The following GABRG3 variants were observed in gnomAD, a reference collection of about 807,000 sequenced individuals.
GABRG3 encodes gamma-aminobutyric acid receptor subunit gamma-3.
GABRG3 carries 25 observed loss-of-function variants against 48.8 expected under a neutral mutation model. That is an observed-to-expected ratio of 0.51 (90% CI 0.37 to 0.72). The LOEUF (loss-of-function observed/expected upper bound fraction) is 0.72, where lower values mean the gene tolerates loss of function less well. GABRG3 is among the 30% of genes least tolerant of loss of function. The pLI, the probability that GABRG3 is intolerant of heterozygous loss-of-function variation, is 0.00. For synonymous variants in GABRG3, 227 were observed against 217.6 expected (o/e 1.04, Z -0.38); for missense variants, 394 against 577.9 (o/e 0.68, Z 3.26).
At chr15:26,999,004 C>T (rs1260137276) in intron 2 of GABRG3, among the ~76,000 whole-genome samples, 1 of 151,874 alleles carries the variant, frequency 6.6e-6, no homozygotes, top group Non-Finnish European at 1.5e-5. Context: ...TTCTGGAATT[C>T]CTATCCCTTG....
chr15:27,256,221 T>C (rs1192472940), intron 3 of GABRG3, among the ~76,000 whole-genome samples: 1 of 151,910 alleles, frequency 6.6e-6, no homozygotes, highest in Non-Finnish European at 1.5e-5. Context: ...GGCGGGCGGA[T>C]CAGGAGGTCA....
intron 2 of GABRG3, among the ~76,000 whole-genome samples, chr15:26,983,311 AC>A (rs1394848711): frequency 2.0e-5 from 3 of 150,784 alleles, no homozygotes; most frequent in Non-Finnish European, 4.4e-5. Flanking sequence ...CTTCCTTTAC[AC>A]CCCCGACCCT....
intron 3 of GABRG3, among the ~76,000 whole-genome samples, chr15:27,255,593 C>CT (rs11372328): frequency 0.032 from 4,835 of 151,454 alleles, 189 homozygotes; most frequent in African/African-American, 0.094. Flanking sequence ...TTCATCTTTC[C>CT]TTTTTTTTTG....
Position 26,971,455 on chromosome 15 carries a change from G to C in GABRG3, c.-81G>C, listed in dbSNP as rs529013763. 186 of 1,210,042 alleles carry C rather than the reference G, an allele frequency of 1.5e-4. 2 individuals are homozygous for C. The South Asian group carries it at 2.8e-3, about 18-fold the overall frequency. The allele number at this position is 1,210,042 out of a possible 1,614,324, so 75.0% of individuals were successfully genotyped here. ...CTCGGAGGAAGCCAGGGCAAAGAGG[G>C]CCGGCGGAGACCAGGTCCGCGCCGG... On this transcript the variant is annotated 5_prime_UTR_variant, in exon 1 of 10. Coordinates refer to ENST00000615808, the MANE Select transcript of GABRG3 (RefSeq NM_033223.5).
chr15:27,272,493 C>T (rs1200609009), intron 3 of GABRG3, among the ~76,000 whole-genome samples: 1 of 152,182 alleles, frequency 6.6e-6, no homozygotes, highest in Non-Finnish European at 1.5e-5. Context: ...TTTTCAAAGA[C>T]CTCTGCAAAG....
Position 27,180,390 on chromosome 15 carries a change from T to A in GABRG3, c.271-146419T>A, listed in dbSNP as rs187940784. Among the ~76,000 whole-genome samples, 43 of 152,274 alleles carry A rather than the reference T, an allele frequency of 2.8e-4. No homozygotes were observed. In the East Asian group the frequency reaches 7.9e-3, roughly 28 times the overall value. On this transcript the variant is annotated intron_variant, in intron 3 of 9. Coordinates refer to ENST00000615808, the MANE Select transcript of GABRG3 (RefSeq NM_033223.5). This position sits in a 1 kb window ranked among gnomAD's most constrained non-coding sequence, Gnocchi z 4.2. ...TCTTCAGGTTATGACTGCCATGTGC[T>A]TTGAGGCAGTGCATTTGCATCCTGA... is the stretch of plus-strand genomic sequence containing the variant.
chr15:26,986,227 C>T lies in GABRG3; in HGVS notation c.202+9077C>T, dbSNP rs1194917526. 2.0e-5 allele frequency among the ~76,000 whole-genome samples: 3 copies of T among 152,204 alleles called. No homozygotes were observed. The South Asian group carries it at 6.2e-4, about 32-fold the overall frequency. The stretch of plus-strand genomic sequence containing the variant: ...AAATAATTCAAATGTATTCACTCCA[C>T]TCTCGGAACAGATGTAGGAGGAGAG... On this transcript the variant is annotated intron_variant, in intron 2 of 9. Transcript: ENST00000615808.
At chr15:27,395,478 A>C (rs9635413) in intron 5 of GABRG3, among the ~76,000 whole-genome samples, 1 of 151,958 alleles carries the variant, frequency 6.6e-6, no homozygotes, top group Non-Finnish European at 1.5e-5. Context: ...AACACTACCT[A>C]ATTTTACCTA....
intron 5 of GABRG3, among the ~76,000 whole-genome samples, chr15:27,380,177 C>G (rs865988692): frequency 1.2e-4 from 19 of 152,268 alleles, no homozygotes; most frequent in African/African-American, 3.8e-4. Flanking sequence ...ATGAACCTAT[C>G]AAGGACATTT....
intron 3 of GABRG3, among the ~76,000 whole-genome samples, chr15:27,315,170 GAATT>G (rs1470651967): frequency 3.9e-5 from 6 of 152,070 alleles, no homozygotes; most frequent in Non-Finnish European, 8.8e-5. Context: ...ATTTTAAAAA[GAATT>G]AAAAGGAAGA....
chr15:27,064,345 C>T (rs909099572), intron 3 of GABRG3, among the ~76,000 whole-genome samples: 30 of 152,116 alleles, frequency 2.0e-4, no homozygotes, highest in African/African-American at 7.0e-4. Context: ...CCAGGCCCGG[C>T]GGTAAGGCCT....
In GABRG3 at chr15:27,319,653, C is replaced by T. The variant is rs973840668; in HGVS notation, c.271-7156C>T. Among the ~76,000 whole-genome samples the T allele has an allele frequency of 2.0e-5, 3 of 151,962 alleles. No individual in the cohort carries two copies. The highest frequency in any genetic ancestry group is 2.9e-5 in the Non-Finnish European group (2 of 67,984). On this transcript the variant is annotated intron_variant, in intron 3 of 9. Coordinates refer to ENST00000615808, the MANE Select transcript of GABRG3 (RefSeq NM_033223.5). The surrounding 1 kb of genome is among the most constrained non-coding windows in gnomAD (Gnocchi z 4.4). ...GAGGCTGGATAAGAGGGTGTCCAGG[C>T]GTGGGCAGAGCACAAATGGGATGGG...
intron 5 of GABRG3, among the ~76,000 whole-genome samples, chr15:27,407,002 A>G (rs1566827187): frequency 6.6e-6 from 1 of 152,072 alleles, no homozygotes; most frequent in Non-Finnish European, 1.5e-5. Context: ...ATCTCAGCTC[A>G]TTGCAACCTC....
At chr15:27,424,781 T>C (rs1364842452) in intron 5 of GABRG3, among the ~76,000 whole-genome samples, 1 of 152,164 alleles carries the variant, frequency 6.6e-6, no homozygotes, top group Non-Finnish European at 1.5e-5. Context: ...CTCGAACTCC[T>C]GACTTCAGGT....
chr15:27,269,633 G>A (rs1891020407), intron 3 of GABRG3, among the ~76,000 whole-genome samples: 2 of 152,154 alleles, frequency 1.3e-5, no homozygotes, highest in African/African-American at 4.8e-5. Context: ...GCCCTTGAAA[G>A]CAAACCACAG....
Position 27,527,481 on chromosome 15 carries a change from A to C in GABRG3, c.914A>C (p.Lys305Thr), listed in dbSNP as rs771195863. 1 of 1,613,962 alleles carries C rather than the reference A, an allele frequency of 6.2e-7. No homozygotes were observed. The highest frequency in any genetic ancestry group is 1.1e-5 in the South Asian group (1 of 91,080). Residue 305 changes from lysine (K) to threonine (T), a missense_variant, in exon 8 of 10, where the codon AAG (lysine) becomes ACG (threonine). Transcript: ENST00000615808. Reference protein sequence around the residue: ...TMTTLSTIARKSLPRVSYVTA... With the variant: ...TMTTLSTIARTSLPRVSYVTA... Reference sequence around the variant, plus strand: ...ACCACCCTGAGCACCATCGCCAGGAAGTCCTTGCCACGCGTGTCCTACGTG... The same window carrying C: ...ACCACCCTGAGCACCATCGCCAGGACGTCCTTGCCACGCGTGTCCTACGTG...
At chr15:27,158,741 G>A (rs928622486) in intron 3 of GABRG3, among the ~76,000 whole-genome samples, 2 of 152,096 alleles carry the variant, frequency 1.3e-5, no homozygotes, top group Non-Finnish European at 2.9e-5. Flanking sequence ...ATTAAAAAAG[G>A]AAAAATAAAA....
chr15:27,152,928 T>G (rs1326324996), intron 3 of GABRG3, among the ~76,000 whole-genome samples: 4 of 151,504 alleles, frequency 2.6e-5, no homozygotes, highest in African/African-American at 7.3e-5. Context: ...TGGCGCGATC[T>G]CGGCTCACTG....
intron 3 of GABRG3, among the ~76,000 whole-genome samples, chr15:27,225,101 G>C (rs1889568926): frequency 6.6e-6 from 1 of 152,072 alleles, no homozygotes; most frequent in African/African-American, 2.4e-5. Flanking sequence ...CATTTATTTG[G>C]TGATTAATCA....
Sources: gnomAD v4.1 joint callset for allele counts (sites outside exome capture counted in the v4.1 genomes callset) on GRCh38, gnomAD v4.1.1 for gene constraint, Gnocchi (gnomAD v3.1) non-coding constraint, MANE v1.5 for transcripts, NCBI Gene and HGNC (gene_info 2026-07-23, HGNC 2026-07-21) for gene names.